The following ALPL variants were observed in gnomAD, a reference collection of about 807,000 sequenced individuals.
ALPL encodes the protein alkaline phosphatase, biomineralization associated, also known as alkaline phosphatase, tissue-nonspecific isozyme.
In ALPL, 42 loss-of-function variants were observed where a neutral mutation model predicts 51.3. The observed-to-expected ratio is 0.82, with a 90% CI of 0.64 to 1.06. ALPL has a LOEUF of 1.06. Among genes scored for constraint, ALPL ranks in the 50% least tolerant of loss-of-function variants. The probability of loss-of-function intolerance (pLI) is 0.00; values close to 1 mark genes in which losing one functional copy is unlikely to be tolerated. For missense variants in ALPL, 589 were observed against 709.4 expected (o/e 0.83, Z 1.93); for synonymous variants, 279 against 296.4 (o/e 0.94, Z 0.60).
At chr1:21,570,630 G>A (rs569514823) in intron 8 of ALPL, among the ~76,000 whole-genome samples, 7 of 152,296 alleles carry the variant, frequency 4.6e-5, no homozygotes, top group Non-Finnish European at 7.4e-5. Flanking sequence ...AGTGGCCCGC[G>A]GCATGTGGCA....
chr1:21,528,782 A>G (rs778839570), intron 1 of ALPL, among the ~76,000 whole-genome samples: 1 of 150,486 alleles, frequency 6.6e-6, no homozygotes, highest in Non-Finnish European at 1.5e-5. Context: ...AATATTATGG[A>G]GTCAGGGCCG....
At chr1:21,575,208 C>G (rs1337626285) in intron 9 of ALPL, among the ~76,000 whole-genome samples, 1 of 152,226 alleles carries the variant, frequency 6.6e-6, no homozygotes, top group Non-Finnish European at 1.5e-5. Context: ...TAGGACGAGT[C>G]ACACCTGAAT....
chr1:21,564,079 C>T lies in ALPL; in HGVS notation c.511C>T (p.His171Tyr). 1 of 1,614,082 alleles carries T rather than the reference C, an allele frequency of 6.2e-7. No homozygotes were observed. The highest frequency in any genetic ancestry group is 8.5e-7 in the Non-Finnish European group (1 of 1,180,006). The change falls in exon 6 of 12, where the codon CAT becomes TAT. Residue 171 changes from histidine to tyrosine, a missense_variant. Coordinates refer to ENST00000374840, the MANE Select transcript of ALPL (RefSeq NM_000478.6). The surrounding 1 kb of genome is among the most constrained non-coding windows in gnomAD (Gnocchi z 5.8). ...CATTGTGACCACCACGAGAGTGAACCATGCCACCCCCAGCGCCGCCTACGC... is the reference window on the plus strand; with the variant it reads ...CATTGTGACCACCACGAGAGTGAACTATGCCACCCCCAGCGCCGCCTACGC... Reference protein sequence around the residue: ...VGIVTTTRVNHATPSAAYAHS... With the variant: ...VGIVTTTRVNYATPSAAYAHS...
At chr1:21,565,067 G>A (rs1287825003) in intron 6 of ALPL, among the ~76,000 whole-genome samples, 1 of 152,118 alleles carries the variant, frequency 6.6e-6, no homozygotes, top group Non-Finnish European at 1.5e-5. Flanking sequence ...GCCTGGAATG[G>A]GGATTCGGTG....
chr1:21,510,498 G>A (rs1221262628), intron 1 of ALPL, among the ~76,000 whole-genome samples: 1 of 152,184 alleles, frequency 6.6e-6, no homozygotes, highest in Non-Finnish European at 1.5e-5. Context: ...CCTCAGTGTA[G>A]ATACTGCAAC....
chr1:21,577,579 G>C lies in ALPL; in HGVS notation c.1506G>C (p.Ser502=), dbSNP rs751195005. ...TCGGCCACTGTGCTCCTGCCAGCTCGGCAGGCAGCCTTGCTGCAGGCCCCC... is the reference window on the plus strand; with the variant it reads ...TCGGCCACTGTGCTCCTGCCAGCTCCGCAGGCAGCCTTGCTGCAGGCCCCC... The part of the protein sequence containing the change: ...ANLGHCAPAS[S]AGSLAAGPLL... Residue 502 remains serine, a synonymous_variant, in exon 12 of 12, where the codon TCG becomes TCC. Transcript: ENST00000374840. 6.2e-7 allele frequency: 1 copy of C among 1,602,806 alleles called. No homozygotes were observed. Among genetic ancestry groups the C allele is most frequent in the Non-Finnish European group, 8.5e-7 (1 of 1,179,780 alleles).
intron 1 of ALPL, among the ~76,000 whole-genome samples, chr1:21,516,211 C>G (rs1643797179): frequency 6.6e-6 from 1 of 151,864 alleles, no homozygotes; most frequent in Non-Finnish European, 1.5e-5. Context: ...TCATCCCCCT[C>G]CACCTGTCTC....
At position 21,575,718 on chromosome 1, in the gene ALPL, C is replaced by T. The variant is rs1644718581; in HGVS notation, c.998-15C>T. ...CCCTCCTCCCTCACCGAGGCCTTTG[C>T]CTTGGTGTCCCAAGGAGGCAGAATT... On this transcript the variant is annotated splice_polypyrimidine_tract_variant and intron_variant, in intron 9 of 11. Coordinates refer to ENST00000374840, the MANE Select transcript of ALPL (RefSeq NM_000478.6). 1.2e-6 allele frequency: 2 copies of T among 1,614,084 alleles called. No individual in the cohort carries two copies. Among genetic ancestry groups the T allele is most frequent in the Non-Finnish European group, 1.7e-6 (2 of 1,180,026 alleles).
chr1:21,545,349 A>C (rs1317044837), intron 1 of ALPL, among the ~76,000 whole-genome samples: 1 of 151,876 alleles, frequency 6.6e-6, no homozygotes, highest in Non-Finnish European at 1.5e-5. Context: ...GGAGTACAGC[A>C]TTGTAATCTC....
intron 1 of ALPL, among the ~76,000 whole-genome samples, chr1:21,526,665 AACTT>A (rs1421895375): frequency 6.6e-6 from 1 of 152,100 alleles, no homozygotes; most frequent in Non-Finnish European, 1.5e-5. Flanking sequence ...TCTATGTGAA[AACTT>A]ATTATTTGAA....
At chr1:21,542,949 C>A (rs945895629) in intron 1 of ALPL, among the ~76,000 whole-genome samples, 3 of 151,706 alleles carry the variant, frequency 2.0e-5, no homozygotes, top group Non-Finnish European at 4.4e-5. Context: ...CCCAGGAGTT[C>A]GAGACTAGCC....
chr1:21,561,557 T>A (rs1644485270), intron 4 of ALPL, among the ~76,000 whole-genome samples: 1 of 152,110 alleles, frequency 6.6e-6, no homozygotes, highest in Non-Finnish European at 1.5e-5. Flanking sequence ...ATATGGATAA[T>A]TAGAGACCCC....
At position 21,564,639 on chromosome 1, in the gene ALPL, G is replaced by C. The variant is rs1644537807; in HGVS notation, c.648+423G>C. Among the ~76,000 whole-genome samples, 1 of 152,148 alleles carries C rather than the reference G, an allele frequency of 6.6e-6. No individual in the cohort carries two copies. The highest frequency in any genetic ancestry group is 1.5e-5 in the Non-Finnish European group (1 of 68,030). ...AAAGAGCTGGTGTGTACAGTGGTTGGCTAGTGCCAGCTCTCGTGTTTAAAC... is the reference window on the plus strand; with the variant it reads ...AAAGAGCTGGTGTGTACAGTGGTTGCCTAGTGCCAGCTCTCGTGTTTAAAC... On this transcript the variant is annotated intron_variant, in intron 6 of 11. Coordinates refer to ENST00000374840, the MANE Select transcript of ALPL (RefSeq NM_000478.6). The surrounding 1 kb of genome is among the most constrained non-coding windows in gnomAD (Gnocchi z 5.8).
At position 21,578,064 on chromosome 1, in the gene ALPL, A is replaced by G; in HGVS notation, c.*416A>G. On this transcript the variant is annotated 3_prime_UTR_variant, in exon 12 of 12. Transcript: ENST00000374840. This position sits in a 1 kb window ranked among gnomAD's most constrained non-coding sequence, Gnocchi z 4.2. ...CCACTCCCATCTCCTTACCTCTGGA[A>G]CCCCCCAGGCCCTACAATGCTCATG... is the stretch of plus-strand genomic sequence containing the variant. 4.2e-6 allele frequency: 1 copy of G among 237,268 alleles called. No individual in the cohort carries two copies. Among genetic ancestry groups the G allele is most frequent in the Non-Finnish European group, 8.4e-6 (1 of 118,990 alleles). 14.7% of individuals were successfully genotyped at this position (237,268 alleles called of 1,614,324 possible).
chr1:21,560,614 C>G lies in ALPL; in HGVS notation c.62-12C>G. The G allele has an allele frequency of 1.2e-6, 2 of 1,613,994 alleles. No individual in the cohort carries two copies. The highest frequency in any genetic ancestry group is 1.1e-5 in the South Asian group (1 of 91,072). On this transcript the variant is annotated splice_polypyrimidine_tract_variant and intron_variant, in intron 2 of 11. Transcript: ENST00000374840. Reference sequence around the variant, plus strand: ...CTTACCCCGCCAAGTAACTGCCTCTCTCTGTGTTTAGAGAAAGAGAAAGAC... The same window carrying G: ...CTTACCCCGCCAAGTAACTGCCTCTGTCTGTGTTTAGAGAAAGAGAAAGAC...
intron 5 of ALPL, 99 bp from the exon 6 acceptor site, chr1:21,563,942 C>A: frequency 1.4e-6 from 2 of 1,438,862 alleles, no homozygotes; most frequent in Non-Finnish European, 9.3e-7. Context: ...AGAACTGAAG[C>A]GGGGGCCTGT....
At chr1:21,511,239 AT>A (rs1362243225) in intron 1 of ALPL, among the ~76,000 whole-genome samples, 2 of 152,154 alleles carry the variant, frequency 1.3e-5, no homozygotes, top group Non-Finnish European at 2.9e-5. Context: ...CAAGCTATTC[AT>A]AAGGAAGGAG....
chr1:21,554,788 CCTGTCTGTCTGT>C (rs369690542), intron 2 of ALPL, among the ~76,000 whole-genome samples: 3,672 of 114,534 alleles, frequency 0.032, 131 homozygotes, highest in African/African-American at 0.054. Context: ...CCGCGCCTGG[CCTGTCTGTCTGT>C]CTGTCTGTCT....
chr1:21,560,891 T>G, intron 3 of ALPL, 146 bp downstream of exon 3: 1 of 1,190,376 alleles, frequency 8.4e-7, no homozygotes. Context: ...AGGCTGTGGA[T>G]TCAAGAGGCC....
Sources: gnomAD v4.1 joint callset for allele counts (sites outside exome capture counted in the v4.1 genomes callset) on GRCh38, gnomAD v4.1.1 for gene constraint, Gnocchi (gnomAD v3.1) non-coding constraint, MANE v1.5 for transcripts, NCBI Gene and HGNC (gene_info 2026-07-23, HGNC 2026-07-21) for gene names.